Variants in BRCA1 observed in about 807,000 individuals in gnomAD.
BRCA1 encodes the protein breast cancer type 1 susceptibility protein.
BRCA1 carries 140 observed loss-of-function variants against 173.7 expected under a neutral mutation model. That is an observed-to-expected ratio of 0.81 (90% CI 0.70 to 0.93). The LOEUF (loss-of-function observed/expected upper bound fraction) is 0.93. Ranked by LOEUF, BRCA1 falls within the 40% of genes least tolerant of loss-of-function variation. The pLI is 0.00. For missense variants in BRCA1, 1,983 were observed against 2,172.5 expected, an observed-to-expected ratio of 0.91 and a Z score of 1.73; for synonymous variants, 662 against 756.0, an observed-to-expected ratio of 0.88 and a Z score of 2.04.
At position 43,066,537 on chromosome 17, in the gene BRCA1, A is replaced by G. The variant is rs1162513597; in HGVS notation, c.5074+1071T>C. ...GCAATTCTTCTGTGTCAGCCTCCCA[A>G]GTAGCTGGGATTACAGGTGCACACC... On this transcript the variant is annotated intron_variant, in intron 16 of 22. Coordinates refer to ENST00000357654, the MANE Select transcript of BRCA1 (RefSeq NM_007294.4). Among the ~76,000 whole-genome samples the G allele has an allele frequency of 2.0e-5, 3 of 152,150 alleles. No individual in the cohort carries two copies. The South Asian group carries it at 6.2e-4, about 32-fold the overall frequency.
At chr17:43,052,133 G>C (rs535421181) in intron 19 of BRCA1, among the ~76,000 whole-genome samples, 6 of 152,244 alleles carry the variant, frequency 3.9e-5, no homozygotes, top group South Asian at 2.1e-4. Context: ...TCCACTTACA[G>C]GGCTTGGCAA....
chr17:43,126,495 A>G (rs992064331), upstream of BRCA1, among the ~76,000 whole-genome samples: 3 of 152,262 alleles, frequency 2.0e-5, no homozygotes, highest in Admixed American at 6.5e-5. Context: ...GTCACGTCAC[A>G]CTAAGAGGGT....
chr17:43,121,834 T>C (rs1014260241), intron 2 of BRCA1, among the ~76,000 whole-genome samples: 2 of 152,216 alleles, frequency 1.3e-5, no homozygotes, highest in African/African-American at 4.8e-5. Flanking sequence ...GAGTTTTTAA[T>C]TGATGGTTTA....
At chr17:43,076,024 C>T (rs1004193997) in intron 13 of BRCA1, among the ~76,000 whole-genome samples, 1 of 151,892 alleles carries the variant, frequency 6.6e-6, no homozygotes, top group Non-Finnish European at 1.5e-5. Flanking sequence ...GCCTGAAAAA[C>T]GGAGGATGCA....
chr17:43,164,792 G>C (rs2056257118), intron 1 of BRCA1: 1 of 152,120 alleles, frequency 6.6e-6, no homozygotes, highest in African/African-American at 2.4e-5. Flanking sequence ...TCTTCAGGCT[G>C]GTGCTGGTTT....
intron 6 of BRCA1, among the ~76,000 whole-genome samples, chr17:43,100,684 T>TATA: frequency 1.6e-4 from 2 of 12,558 alleles, no homozygotes; most frequent in African/African-American, 4.3e-4. Flanking sequence ...ATATAATATA[T>TATA]ATATATATAT....
Position 43,093,979 on chromosome 17 carries a change from TAA to T in BRCA1, c.1550_1551del (p.Phe517TyrfsTer13). On this transcript the variant is annotated frameshift_variant, in exon 10 of 23. Transcript: ENST00000357654. LOFTEE classifies it high-confidence loss of function. ...TGAACTGCCAAATCTGCTTTCTTGA[TAA>T]AATCCTCAGGATGAAGGCCTGATGT... ...RPTSGLHPED[F>X]IKKADLAVQK... 6.2e-7 allele frequency: 1 copy of T among 1,613,760 alleles called. No homozygotes were observed. The highest frequency in any genetic ancestry group is 8.5e-7 in the Non-Finnish European group (1 of 1,179,926).
In BRCA1 at chr17:43,082,507, T is replaced by C; in HGVS notation, c.4254A>G (p.Leu1418=). 1.2e-6 allele frequency: 2 copies of C among 1,614,218 alleles called. No homozygotes were observed. Among genetic ancestry groups the C allele is most frequent in the Non-Finnish European group, 1.7e-6 (2 of 1,180,034 alleles). The change falls in exon 12 of 23, where the codon TTA becomes TTG. Residue 1418 remains leucine (L), a synonymous_variant. Transcript: ENST00000357654. ...QQEMAELEAV[L]EQHGSQPSNS... ...TAGAAGGCTGGCTCCCATGCTGTTCTAACACAGCTTCTAGTTCAGCCATTT... is the reference window on the plus strand; with the variant it reads ...TAGAAGGCTGGCTCCCATGCTGTTCCAACACAGCTTCTAGTTCAGCCATTT...
At chr17:43,078,476 C>T (rs998674090) in intron 12 of BRCA1, among the ~76,000 whole-genome samples, 3 of 152,012 alleles carry the variant, frequency 2.0e-5, no homozygotes, top group Admixed American at 6.6e-5. Context: ...CTGGCCAAGG[C>T]GGAAATATTT....
intron 7 of BRCA1, among the ~76,000 whole-genome samples, chr17:43,098,525 ATT>A (rs80083136): frequency 5.1e-5 from 7 of 136,790 alleles, no homozygotes; most frequent in Non-Finnish European, 3.2e-5. Context: ...CACCCAGCTA[ATT>A]TTTTTTTTTT....
chr17:43,115,898 G>T (rs1597912381), intron 2 of BRCA1, 119 bp from the exon 3 acceptor site: 1 of 1,001,932 alleles, frequency 1.0e-6, no homozygotes, highest in Non-Finnish European at 1.5e-6. Flanking sequence ...TCAACATAAG[G>T]CCTCAAGTTC....
At chr17:43,086,258 G>C (rs1286753673) in intron 11 of BRCA1, among the ~76,000 whole-genome samples, 1 of 152,062 alleles carries the variant, frequency 6.6e-6, no homozygotes, top group African/African-American at 2.4e-5. Flanking sequence ...ACCTTGATAG[G>C]AGGAAGCTTC....
chr17:43,046,904 A>G (rs953055735), intron 22 of BRCA1, among the ~76,000 whole-genome samples: 1 of 152,184 alleles, frequency 6.6e-6, no homozygotes, highest in Admixed American at 6.5e-5. Flanking sequence ...AGCCACCAGG[A>G]AAACAGCACT....
chr17:43,160,794 A>G (rs2056231157), intron 1 of BRCA1: 1 of 152,214 alleles, frequency 6.6e-6, no homozygotes, highest in Non-Finnish European at 1.5e-5. Flanking sequence ...CTTGCTAGAC[A>G]GATCAATAGT....
chr17:43,066,423 T>C (rs977453943), intron 16 of BRCA1, among the ~76,000 whole-genome samples: 1 of 152,154 alleles, frequency 6.6e-6, no homozygotes, highest in Non-Finnish European at 1.5e-5. Flanking sequence ...TTTCTTTTGT[T>C]GTTGTTGAGA....
At chr17:43,145,018 A>G (rs1049864775) in intron 1 of BRCA1, 5 of 701,198 alleles carry the variant, frequency 7.1e-6, no homozygotes, top group Admixed American at 3.6e-5. Flanking sequence ...AGAGGAGATC[A>G]GCGCAATTGT....
chr17:43,080,875 G>A (rs953159564), intron 12 of BRCA1, among the ~76,000 whole-genome samples: 2 of 151,564 alleles, frequency 1.3e-5, no homozygotes, highest in African/African-American at 2.4e-5. Context: ...TTAACAGTGC[G>A]TCCCTGTCTC....
At chr17:43,050,394 G>A (rs572745495) in intron 20 of BRCA1, among the ~76,000 whole-genome samples, 17 of 152,056 alleles carry the variant, frequency 1.1e-4, no homozygotes, top group Non-Finnish European at 2.2e-4. Flanking sequence ...GGATCACGAG[G>A]TCAGGAGATC....
intron 16 of BRCA1, among the ~76,000 whole-genome samples, chr17:43,065,589 G>A (rs192436157): frequency 1.6e-4 from 25 of 152,304 alleles, no homozygotes; most frequent in Admixed American, 1.0e-3. Context: ...GCTTGAACCC[G>A]GGAGGGGGAG....
Sources: allele counts gnomAD v4.1 joint callset (sites outside exome capture counted in the v4.1 genomes callset), GRCh38; gene constraint gnomAD v4.1.1; transcripts MANE v1.5; gene names NCBI Gene and HGNC (gene_info 2026-07-23, HGNC 2026-07-21).